The following SUPT3H variants were observed in gnomAD, a reference collection of about 807,000 sequenced individuals.
SUPT3H encodes the protein SPT3 homolog, SAGA and STAGA complex component.
SUPT3H carries 44 observed loss-of-function variants against 44.3 expected under a neutral mutation model. The ratio of observed to expected loss-of-function variants is 0.99; its 90% CI spans 0.78 to 1.28. SUPT3H has a LOEUF of 1.28. Among genes scored for constraint, SUPT3H ranks in the 50% most tolerant of loss-of-function variants. The pLI is 0.00. For missense variants in SUPT3H, 380 were observed against 387.1 expected, an observed-to-expected ratio of 0.98 and a Z score of 0.15; for synonymous variants, 124 against 125.6, an observed-to-expected ratio of 0.99 and a Z score of 0.09.
Position 45,125,455 on chromosome 6 carries a change from G to A in SUPT3H, c.102-19449C>T, listed in dbSNP as rs1044108009. On this transcript the variant is annotated intron_variant, in intron 2 of 10. Coordinates refer to ENST00000371459, the MANE Select transcript of SUPT3H (RefSeq NM_003599.4). Reference sequence around the variant, plus strand: ...TGGCAAATGCACACTACTGTGGAATGGGGAAAATTAAGTGGTAGAAATGCA... The same window carrying A: ...TGGCAAATGCACACTACTGTGGAATAGGGAAAATTAAGTGGTAGAAATGCA... Among the ~76,000 whole-genome samples the A allele has an allele frequency of 4.5e-4, 69 of 152,106 alleles. 1 individual carries two copies. Among genetic ancestry groups the A allele is most frequent in the Non-Finnish European group, 1.3e-4 (9 of 68,006 alleles).
intron 2 of SUPT3H, among the ~76,000 whole-genome samples, chr6:45,354,984 T>G (rs189314824): frequency 3.3e-5 from 5 of 151,916 alleles, no homozygotes; most frequent in Admixed American, 6.6e-5. Context: ...CACTTTGAGG[T>G]TTTTTTTGGA....
At chr6:45,092,805 A>C (rs954086931) in intron 3 of SUPT3H, among the ~76,000 whole-genome samples, 1 of 151,978 alleles carries the variant, frequency 6.6e-6, no homozygotes, top group African/African-American at 2.4e-5. Flanking sequence ...TTCAAATATA[A>C]ATACCTTTTG....
intron 2 of SUPT3H, among the ~76,000 whole-genome samples, chr6:45,116,675 G>A (rs137921551): frequency 2.6e-5 from 4 of 152,128 alleles, no homozygotes; most frequent in African/African-American, 9.6e-5. Flanking sequence ...TTAAAGGTCT[G>A]GTTTTGTTTT....
chr6:45,157,021 A>G (rs1394691994), intron 2 of SUPT3H, among the ~76,000 whole-genome samples: 1 of 152,166 alleles, frequency 6.6e-6, no homozygotes, highest in African/African-American at 2.4e-5. Context: ...TTAATAAGTT[A>G]AAGGAATGCA....
intron 2 of SUPT3H, among the ~76,000 whole-genome samples, chr6:45,174,435 C>T (rs941110587): frequency 6.6e-6 from 1 of 152,172 alleles, no homozygotes. Flanking sequence ...AAGATTCTGA[C>T]CTCTTTCTTT....
chr6:45,131,739 T>C (rs1803499226), intron 2 of SUPT3H, among the ~76,000 whole-genome samples: 1 of 152,168 alleles, frequency 6.6e-6, no homozygotes, highest in Non-Finnish European at 1.5e-5. Context: ...GCATCAAAAA[T>C]AAATATTATT....
At chr6:44,943,670 G>C (rs1772826062) in intron 9 of SUPT3H, among the ~76,000 whole-genome samples, 1 of 151,892 alleles carries the variant, frequency 6.6e-6, no homozygotes, top group Non-Finnish European at 1.5e-5. Flanking sequence ...ATTAGACACA[G>C]GGAAACGATA....
intron 11 of SUPT3H, among the ~76,000 whole-genome samples, chr6:44,812,644 A>G (rs918082009): frequency 5.3e-5 from 8 of 152,228 alleles, no homozygotes; most frequent in Non-Finnish European, 8.8e-5. Flanking sequence ...TATTTGAAGC[A>G]TCAGAAAAAA....
At chr6:44,986,014 T>C (rs762570435) in intron 6 of SUPT3H, among the ~76,000 whole-genome samples, 3 of 152,178 alleles carry the variant, frequency 2.0e-5, no homozygotes, top group Non-Finnish European at 4.4e-5. Flanking sequence ...GGTTCACGTT[T>C]GTAAACCAAG....
intron 2 of SUPT3H, among the ~76,000 whole-genome samples, chr6:45,301,360 T>C (rs1414070587): frequency 6.6e-6 from 1 of 152,246 alleles, no homozygotes; most frequent in Non-Finnish European, 1.5e-5. Context: ...CAGCTTTATA[T>C]AATTTCAACC....
At chr6:45,343,662 T>C (rs568321159) in intron 2 of SUPT3H, among the ~76,000 whole-genome samples, 2 of 152,332 alleles carry the variant, frequency 1.3e-5, no homozygotes, top group East Asian at 3.9e-4. Flanking sequence ...CTAGTCTATA[T>C]TTCTTCATGT....
At chr6:44,974,123 C>A (rs1375469204) in intron 6 of SUPT3H, among the ~76,000 whole-genome samples, 4 of 152,078 alleles carry the variant, frequency 2.6e-5, no homozygotes, top group African/African-American at 9.7e-5. Context: ...CTGTCTTACT[C>A]TAAAGTTTAT....
chr6:45,003,709 GT>G lies in SUPT3H; in HGVS notation c.447del (p.Glu149AspfsTer3), dbSNP rs1562239316. ...DFLNSIDQTGELLAMFEDDEI... is the reference protein window; with the variant it reads ...DFLNSIDQTGXLLAMFEDDEI... ...TCGTCATCTTCAAACATTGCTAAAAGTTCTCCTGTCTGGTCAATAGAGTTGA... is the reference window on the plus strand; with the variant it reads ...TCGTCATCTTCAAACATTGCTAAAAGTCTCCTGTCTGGTCAATAGAGTTGA... On this transcript the variant is annotated frameshift_variant, in exon 6 of 11. Transcript: ENST00000371459. LOFTEE classifies it high-confidence loss of function. The G allele has an allele frequency of 6.2e-7, 1 of 1,613,782 alleles. No individual in the cohort carries two copies. Among genetic ancestry groups the G allele is most frequent in the Non-Finnish European group, 8.5e-7 (1 of 1,179,844 alleles).
At chr6:44,823,244 A>T (rs934881130), downstream of SUPT3H, among the ~76,000 whole-genome samples, 1 of 152,178 alleles carries the variant, frequency 6.6e-6, no homozygotes, top group African/African-American at 2.4e-5. Flanking sequence ...CTAAAGGCAC[A>T]TGGACAGATG....
intron 2 of SUPT3H, among the ~76,000 whole-genome samples, chr6:45,211,038 A>G (rs1287938347): frequency 6.6e-6 from 1 of 152,224 alleles, no homozygotes; most frequent in Non-Finnish European, 1.5e-5. Context: ...TGACCATTCC[A>G]CAAAGGAGCA....
At chr6:44,991,085 G>A (rs1467170717) in intron 6 of SUPT3H, among the ~76,000 whole-genome samples, 1 of 151,934 alleles carries the variant, frequency 6.6e-6, no homozygotes, top group Admixed American at 6.6e-5. Flanking sequence ...TGAGAATAAT[G>A]AGGAAATAAA....
intron 2 of SUPT3H, among the ~76,000 whole-genome samples, chr6:45,189,084 G>A (rs1024761465): frequency 6.6e-6 from 1 of 152,012 alleles, no homozygotes; most frequent in Non-Finnish European, 1.5e-5. Context: ...TTACAGGCAT[G>A]AGCCACCAGA....
intron 2 of SUPT3H, among the ~76,000 whole-genome samples, chr6:45,141,079 C>T (rs563690173): frequency 6.6e-6 from 1 of 152,052 alleles, no homozygotes; most frequent in Non-Finnish European, 1.5e-5. Context: ...GTGGCTCATG[C>T]CTGTAATCCC....
intron 2 of SUPT3H, among the ~76,000 whole-genome samples, chr6:45,240,699 G>A (rs112418395): frequency 0.02 from 3,098 of 152,280 alleles, 43 homozygotes; most frequent in Non-Finnish European, 0.032. Flanking sequence ...GCCACACTAT[G>A]TTCAGCTGGT....
Sources: gnomAD v4.1 joint callset for allele counts (sites outside exome capture counted in the v4.1 genomes callset) on GRCh38, gnomAD v4.1.1 for gene constraint, MANE v1.5 for transcripts, NCBI Gene and HGNC (gene_info 2026-07-23, HGNC 2026-07-21) for gene names.